The following MAP4K4 variants were observed in gnomAD, a reference collection of about 807,000 sequenced individuals.
MAP4K4 encodes mitogen-activated protein kinase kinase kinase kinase 4.
Under a neutral mutation model 189.6 loss-of-function variants are expected in MAP4K4, and 38 were observed. That is an observed-to-expected ratio of 0.20 (90% CI 0.15 to 0.26). The LOEUF (loss-of-function observed/expected upper bound fraction) is 0.26, where lower values mean the gene tolerates loss of function less well. Ranked by LOEUF, MAP4K4 falls within the 10% of genes least tolerant of loss-of-function variation. The pLI is 1.00. For synonymous variants in MAP4K4, 610 were observed against 624.3 expected (o/e 0.98, Z 0.34); for missense variants, 1,054 against 1,726.9 (o/e 0.61, Z 6.91).
rs902034160 is a variant in MAP4K4 at position 101,732,470 on chromosome 2, C to T, written c.123+33932C>T. 3.9e-5 allele frequency among the ~76,000 whole-genome samples: 6 copies of T among 152,154 alleles called. No individual in the cohort carries two copies. The East Asian group carries it at 1.2e-3, about 29-fold the overall frequency. On this transcript the variant is annotated intron_variant, in intron 2 of 32. Coordinates refer to ENST00000324219, the Ensembl canonical transcript of MAP4K4. The stretch of plus-strand genomic sequence containing the variant: ...TCCTTCTACCCGGTTTCATTCCCCG[C>T]TCCCCTAGCCCCATGCAACTGCATT...
chr2:101,737,461 ATTTTTTTTTTTT>A (rs1173208424), intron 2 of MAP4K4, among the ~76,000 whole-genome samples: 32 of 26,006 alleles, frequency 1.2e-3, no homozygotes, highest in African/African-American at 4.6e-3. Flanking sequence ...ATATATATAT[ATTTTTTTTTTTT>A]TTTTTTTTTT....
chr2:101,716,430 G>T (rs1343227539), intron 2 of MAP4K4, among the ~76,000 whole-genome samples: 1 of 151,656 alleles, frequency 6.6e-6, no homozygotes, highest in African/African-American at 2.4e-5. Context: ...GCGACAGAGC[G>T]AGACTCTGTC....
At chr2:101,888,401 A>G (rs1407538716) in intron 31 of MAP4K4, among the ~76,000 whole-genome samples, 2 of 152,138 alleles carry the variant, frequency 1.3e-5, no homozygotes, top group South Asian at 2.1e-4. Flanking sequence ...TGACATTTTC[A>G]TGGGTTTCTA....
chr2:101,705,557 A>C (rs2041881922), intron 2 of MAP4K4, among the ~76,000 whole-genome samples: 1 of 152,204 alleles, frequency 6.6e-6, no homozygotes, highest in African/African-American at 2.4e-5. Context: ...GACATATAGA[A>C]TATCAGTCTA....
intron 2 of MAP4K4, among the ~76,000 whole-genome samples, chr2:101,720,692 A>C (rs981268743): frequency 1.3e-5 from 2 of 152,188 alleles, no homozygotes; most frequent in African/African-American, 4.8e-5. Context: ...GCGGGCACTG[A>C]TCTTTTTATC....
intron 2 of MAP4K4, among the ~76,000 whole-genome samples, chr2:101,760,009 A>C (rs2150145779): frequency 6.6e-6 from 1 of 151,730 alleles, no homozygotes; most frequent in East Asian, 2.0e-4. Context: ...ACACCTGGCT[A>C]ATTTTTTGTA....
At position 101,805,914 on chromosome 2, in the gene MAP4K4, A is replaced by G. The variant is rs990387550; in HGVS notation, c.180+15138A>G. Among the ~76,000 whole-genome samples, 7 of 151,996 alleles carry G rather than the reference A, an allele frequency of 4.6e-5. No individual in the cohort carries two copies. In the South Asian group the frequency reaches 1.0e-3, roughly 23 times the overall value. On this transcript the variant is annotated intron_variant, in intron 3 of 32. Transcript: ENST00000324219. ...TCTCACCCTGTTTCCAAGGTTGTCT[A>G]CTTTCCTACCGACTTTGCTACACTT... is the stretch of plus-strand genomic sequence containing the variant.
At chr2:101,765,866 C>T (rs966655238) in intron 2 of MAP4K4, among the ~76,000 whole-genome samples, 6 of 152,034 alleles carry the variant, frequency 3.9e-5, no homozygotes, top group Admixed American at 6.6e-5. Flanking sequence ...CTCTGTGAGG[C>T]GTATTTTAAA....
intron 6 of MAP4K4, chr2:101,829,803 T>C: frequency 2.1e-6 from 1 of 485,192 alleles, no homozygotes; most frequent in Non-Finnish European, 3.8e-6. Context: ...CCTGGTTCTC[T>C]ATACAGCAGC....
chr2:101,767,466 T>G (rs2079109890), intron 2 of MAP4K4, among the ~76,000 whole-genome samples: 1 of 152,184 alleles, frequency 6.6e-6, no homozygotes, highest in South Asian at 2.1e-4. Context: ...AGAGGGAGCT[T>G]TTGAACACAA....
At chr2:101,861,591 A>G (rs2097657755) in intron 16 of MAP4K4, 1 of 152,222 alleles carries the variant, frequency 6.6e-6, no homozygotes, top group East Asian at 1.9e-4. Flanking sequence ...AAAGGCTGTG[A>G]CCTCTCCTTG....
At chr2:101,835,854 T>C (rs749788297) in intron 8 of MAP4K4, 46 bp from the exon 9 acceptor site, 1 of 1,244,382 alleles carries the variant, frequency 8.0e-7, no homozygotes, top group Non-Finnish European at 1.2e-6. Context: ...AAATCAAGAA[T>C]GAGTGAAATA....
intron 28 of MAP4K4, among the ~76,000 whole-genome samples, chr2:101,883,347 T>C (rs2098434119): frequency 6.6e-6 from 1 of 152,202 alleles, no homozygotes; most frequent in South Asian, 2.1e-4. Flanking sequence ...CTTTTTTTTT[T>C]TGAGATGGAG....
intron 2 of MAP4K4, among the ~76,000 whole-genome samples, chr2:101,774,635 C>T (rs548065252): frequency 5.3e-5 from 8 of 152,272 alleles, no homozygotes; most frequent in African/African-American, 1.9e-4. Context: ...TTTTGAATCA[C>T]TGCTGCCTCT....
intron 2 of MAP4K4, among the ~76,000 whole-genome samples, chr2:101,775,204 T>G (rs1010731119): frequency 2.0e-5 from 3 of 151,792 alleles, no homozygotes; most frequent in African/African-American, 7.3e-5. Context: ...GAGGATGAGT[T>G]TCTGGGGACA....
chr2:101,723,193 C>A (rs1203257586), intron 2 of MAP4K4, among the ~76,000 whole-genome samples: 1 of 152,126 alleles, frequency 6.6e-6, no homozygotes, highest in Non-Finnish European at 1.5e-5. Flanking sequence ...CTGGTCTCTT[C>A]CTTGAAATTT....
chr2:101,746,534 C>T (rs2065683080), intron 2 of MAP4K4, among the ~76,000 whole-genome samples: 1 of 152,072 alleles, frequency 6.6e-6, no homozygotes, highest in African/African-American at 2.4e-5. Flanking sequence ...GAAGCTGACT[C>T]TCCATGTTGT....
chr2:101,813,449 C>T (rs1484668408), intron 3 of MAP4K4, among the ~76,000 whole-genome samples: 1 of 152,252 alleles, frequency 6.6e-6, no homozygotes, highest in Non-Finnish European at 1.5e-5. Flanking sequence ...TGAGCAGTGC[C>T]AGTCTTAGCA....
At chr2:101,728,065 C>T (rs2056535108) in intron 2 of MAP4K4, among the ~76,000 whole-genome samples, 1 of 152,216 alleles carries the variant, frequency 6.6e-6, no homozygotes, top group Admixed American at 6.5e-5. Flanking sequence ...GGCTTGCTCT[C>T]ATTAAATAAC....
Sources: gnomAD v4.1 joint callset for allele counts (sites outside exome capture counted in the v4.1 genomes callset) on GRCh38, gnomAD v4.1.1 for gene constraint, MANE v1.5 for transcripts, NCBI Gene and HGNC (gene_info 2026-07-23, HGNC 2026-07-21) for gene names.